Variants in TNFRSF8 observed in about 807,000 individuals in gnomAD.
TNFRSF8 encodes TNF receptor superfamily member 8, also known as tumor necrosis factor receptor superfamily member 8.
TNFRSF8 carries 26 observed loss-of-function variants against 70.8 expected under a neutral mutation model. That is an observed-to-expected ratio of 0.37 (90% CI 0.27 to 0.51). The LOEUF is 0.51. Among genes scored for constraint, TNFRSF8 ranks in the 20% least tolerant of loss-of-function variants. The pLI is 0.94. For synonymous variants in TNFRSF8, 356 were observed against 339.2 expected, an observed-to-expected ratio of 1.05 and a Z score of -0.54; for missense variants, 720 against 807.9, an observed-to-expected ratio of 0.89 and a Z score of 1.32.
At chr1:12,117,523 C>A (rs1055857276) in intron 8 of TNFRSF8, among the ~76,000 whole-genome samples, 3 of 152,254 alleles carry the variant, frequency 2.0e-5, no homozygotes, top group African/African-American at 7.2e-5. Flanking sequence ...TAGCCACACC[C>A]CATCACCCTG....
intron 1 of TNFRSF8, among the ~76,000 whole-genome samples, chr1:12,072,897 A>C (rs1039721971): frequency 2.0e-5 from 3 of 152,174 alleles, no homozygotes; most frequent in African/African-American, 7.2e-5. Context: ...GCCAGGACGC[A>C]GCGGCCAGGC....
intron 12 of TNFRSF8, among the ~76,000 whole-genome samples, chr1:12,134,230 G>A (rs1002128836): frequency 2.6e-5 from 4 of 152,194 alleles, no homozygotes; most frequent in African/African-American, 7.2e-5. Flanking sequence ...AGGAGGCGGC[G>A]TGGCTGACAT....
intron 12 of TNFRSF8, among the ~76,000 whole-genome samples, chr1:12,126,763 G>T (rs1641948505): frequency 2.0e-5 from 3 of 152,360 alleles, no homozygotes; most frequent in Admixed American, 2.0e-4. Flanking sequence ...GAATTGTCCT[G>T]TGTCTCAGTT....
chr1:12,118,520 A>G (rs1257774979), intron 8 of TNFRSF8, among the ~76,000 whole-genome samples: 1 of 152,262 alleles, frequency 6.6e-6, no homozygotes, highest in East Asian at 1.9e-4. Context: ...CCACACATGA[A>G]GCTTTGATAA....
intron 2 of TNFRSF8, among the ~76,000 whole-genome samples, chr1:12,096,631 A>G (rs958788476): frequency 1.3e-5 from 2 of 152,136 alleles, no homozygotes; most frequent in African/African-American, 4.8e-5. Context: ...GAGAATGATG[A>G]CAACCGGTGC....
chr1:12,086,074 C>A, intron 2 of TNFRSF8, among the ~76,000 whole-genome samples: 1 of 152,158 alleles, frequency 6.6e-6, no homozygotes, highest in Middle Eastern at 3.2e-3. Flanking sequence ...GGCGGAGGGG[C>A]CCATCCACCC....
chr1:12,115,140 G>T (rs986216880), intron 7 of TNFRSF8, among the ~76,000 whole-genome samples: 2 of 152,114 alleles, frequency 1.3e-5, no homozygotes, highest in Non-Finnish European at 2.9e-5. Context: ...ACCCATGCCC[G>T]CTCACCCCGT....
intron 12 of TNFRSF8, 131 bp downstream of exon 12, chr1:12,126,367 C>T (rs1641941211): frequency 2.0e-6 from 2 of 1,009,420 alleles, no homozygotes; most frequent in Admixed American, 1.9e-5. Context: ...GCTCCTGTCG[C>T]ATTCTGTACA....
intron 1 of TNFRSF8, among the ~76,000 whole-genome samples, chr1:12,077,583 A>T (rs1293990832): frequency 6.6e-6 from 1 of 152,218 alleles, no homozygotes; most frequent in East Asian, 1.9e-4. Context: ...GGAAACCAAC[A>T]GTCCCTTAAA....
chr1:12,110,679 A>C lies in TNFRSF8; in HGVS notation c.676+475A>C, dbSNP rs1047841720. Reference sequence around the variant, plus strand: ...AGTGGCGCAATCTCGGCTCACTGCCACCTCCACCTCCTGGGTTCAAGCGAT... The same window carrying C: ...AGTGGCGCAATCTCGGCTCACTGCCCCCTCCACCTCCTGGGTTCAAGCGAT... On this transcript the variant is annotated intron_variant, in intron 6 of 14. Coordinates refer to ENST00000263932, the MANE Select transcript of TNFRSF8 (RefSeq NM_001243.5). This position sits in a 1 kb window ranked among gnomAD's most constrained non-coding sequence, Gnocchi z 4.0. Among the ~76,000 whole-genome samples, 6 of 151,470 alleles carry C rather than the reference A, an allele frequency of 4.0e-5. No homozygotes were observed. Among genetic ancestry groups the C allele is most frequent in the African/African-American group, 1.5e-4 (6 of 41,148 alleles).
chr1:12,138,078 G>A lies in TNFRSF8; in HGVS notation c.1336-151G>A, dbSNP rs1347898749. 2 of 742,060 alleles carry A rather than the reference G, an allele frequency of 2.7e-6. No individual in the cohort carries two copies. The highest frequency in any genetic ancestry group is 5.5e-5 in the East Asian group (2 of 36,158). The allele number at this position is 742,060 out of a possible 1,614,324, so 46.0% of individuals were successfully genotyped here. On this transcript the variant is annotated intron_variant, in intron 13 of 14. Coordinates refer to ENST00000263932, the MANE Select transcript of TNFRSF8 (RefSeq NM_001243.5). The surrounding 1 kb of genome is among the most constrained non-coding windows in gnomAD (Gnocchi z 5.7). Reference sequence around the variant, plus strand: ...AGCAACAGACTTCACCCAGAAAGCTGAGAAGCCCGGGGCAGCTCATGGCAG... The same window carrying A: ...AGCAACAGACTTCACCCAGAAAGCTAAGAAGCCCGGGGCAGCTCATGGCAG...
chr1:12,117,176 G>A (rs773462919), intron 8 of TNFRSF8, among the ~76,000 whole-genome samples: 5 of 152,050 alleles, frequency 3.3e-5, no homozygotes, highest in East Asian at 3.9e-4. Flanking sequence ...TCCGTCTCCC[G>A]GGTTCAGGCA....
intron 1 of TNFRSF8, among the ~76,000 whole-genome samples, chr1:12,068,438 C>T (rs1640780078): frequency 6.6e-6 from 1 of 152,102 alleles, no homozygotes; most frequent in Non-Finnish European, 1.5e-5. Flanking sequence ...ACAGACTAGA[C>T]ACGCAGAATG....
chr1:12,073,215 T>A (rs1190530968), intron 1 of TNFRSF8, among the ~76,000 whole-genome samples: 1 of 152,172 alleles, frequency 6.6e-6, no homozygotes, highest in Non-Finnish European at 1.5e-5. Flanking sequence ...GCCGTGTTCA[T>A]GATCGCAGGA....
At chr1:12,121,052 A>G (rs1229303581) in intron 8 of TNFRSF8, among the ~76,000 whole-genome samples, 1 of 152,184 alleles carries the variant, frequency 6.6e-6, no homozygotes, top group Non-Finnish European at 1.5e-5. Context: ...CTGACTGGGA[A>G]TAGCCACAGT....
intron 8 of TNFRSF8, among the ~76,000 whole-genome samples, chr1:12,118,319 C>G (rs932500293): frequency 6.6e-6 from 1 of 152,120 alleles, no homozygotes; most frequent in African/African-American, 2.4e-5. Flanking sequence ...CCACATTGGT[C>G]AGGCTGGTCT....
At chr1:12,065,631 C>T (rs1010061773) in intron 1 of TNFRSF8, among the ~76,000 whole-genome samples, 3 of 151,960 alleles carry the variant, frequency 2.0e-5, no homozygotes, top group Non-Finnish European at 4.4e-5. Flanking sequence ...TATACTATAC[C>T]CTACAGTACA....
intron 1 of TNFRSF8, among the ~76,000 whole-genome samples, chr1:12,066,185 C>T (rs905223258): frequency 6.6e-6 from 1 of 152,124 alleles, no homozygotes; most frequent in Non-Finnish European, 1.5e-5. Context: ...TAGGTCATTT[C>T]TTGGCAGGAG....
chr1:12,095,014 C>G (rs72641068), intron 2 of TNFRSF8, among the ~76,000 whole-genome samples: 14,728 of 152,178 alleles, frequency 0.097, 918 homozygotes, highest in Non-Finnish European at 0.14. Flanking sequence ...GTAGATTTCA[C>G]AGGGTTCATG....
Sources: gnomAD v4.1 joint callset for allele counts (sites outside exome capture counted in the v4.1 genomes callset) on GRCh38, gnomAD v4.1.1 for gene constraint, Gnocchi (gnomAD v3.1) non-coding constraint, MANE v1.5 for transcripts, NCBI Gene and HGNC (gene_info 2026-07-23, HGNC 2026-07-21) for gene names.